The following UPRT variants were observed in gnomAD, a reference collection of about 807,000 sequenced individuals.
UPRT encodes the protein uracil phosphoribosyltransferase homolog.
In UPRT, 5 loss-of-function variants were observed where a neutral mutation model predicts 22.6. That is an observed-to-expected ratio of 0.22 (90% CI 0.12 to 0.47). UPRT has a LOEUF of 0.47. UPRT is among the 20% of genes least tolerant of loss of function. The pLI is 0.99. For missense variants in UPRT, 181 were observed against 239.9 expected (o/e 0.75, Z 1.62); for synonymous variants, 77 against 87.7 (o/e 0.88, Z 0.68).
intron 4 of UPRT, among the ~76,000 whole-genome samples, chrX:75,238,923 G>A (rs2082479075): frequency 1.8e-5 from 2 of 111,452 alleles, no homozygotes; most frequent in Non-Finnish European, 3.8e-5. Flanking sequence ...AACAATAATA[G>A]TGACACAGAC....
chrX:75,224,671 C>G (rs1282209833), intron 4 of UPRT, among the ~76,000 whole-genome samples: 1 of 111,730 alleles, frequency 9.0e-6, no homozygotes, highest in Non-Finnish European at 1.9e-5. Context: ...ACTTGTATCT[C>G]CTTCTAAGGA....
At chrX:75,238,731 A>G (rs747696840) in intron 4 of UPRT, among the ~76,000 whole-genome samples, 12 of 112,148 alleles carry the variant, frequency 1.1e-4, no homozygotes, top group African/African-American at 3.2e-4. Context: ...AAGTGACTCA[A>G]GAAATTTAAG....
intron 4 of UPRT, among the ~76,000 whole-genome samples, chrX:75,258,240 C>T (rs1318671069): frequency 1.4e-4 from 12 of 87,785 alleles, no homozygotes; most frequent in East Asian, 9.7e-4. Context: ...TTTTTCCATA[C>T]GCCAGTAGCG....
intron 2 of UPRT, among the ~76,000 whole-genome samples, chrX:75,294,393 G>T (rs1198194151): frequency 7.2e-5 from 8 of 110,674 alleles, no homozygotes; most frequent in Admixed American, 6.8e-4. Flanking sequence ...TGTAGGCATG[G>T]TCTCTAATCT....
At chrX:75,167,984 T>C (rs1171577335) in intron 4 of UPRT, among the ~76,000 whole-genome samples, 1 of 112,108 alleles carries the variant, frequency 8.9e-6, no homozygotes, top group Admixed American at 9.4e-5. Context: ...TTGCAGGCAT[T>C]GCTGCCTGTT....
intron 4 of UPRT, among the ~76,000 whole-genome samples, chrX:75,180,708 T>G (rs868704921): frequency 0.011 from 1,039 of 96,076 alleles, 4 homozygotes; most frequent in Non-Finnish European, 0.019. Flanking sequence ...TTTTTTTTTT[T>G]TTTTTTTTTT....
chrX:75,173,126 G>A (rs777051364), intron 4 of UPRT, among the ~76,000 whole-genome samples: 3 of 111,784 alleles, frequency 2.7e-5, no homozygotes, highest in South Asian at 7.5e-4. Flanking sequence ...ACAGAGTTTC[G>A]ACACACAGGT....
At chrX:75,263,096 A>C (rs952291329) in intron 4 of UPRT, among the ~76,000 whole-genome samples, 18 of 112,210 alleles carry the variant, frequency 1.6e-4, no homozygotes, top group Non-Finnish European at 3.2e-4. Flanking sequence ...AGAAATCATA[A>C]CAAACAGCCT....
At chrX:75,248,853 C>A (rs1420241480) in intron 4 of UPRT, among the ~76,000 whole-genome samples, 1 of 112,128 alleles carries the variant, frequency 8.9e-6, no homozygotes, top group Admixed American at 9.5e-5. Context: ...AGACTACCAG[C>A]TGATCTCTCG....
chrX:75,267,264 A>G (rs998297907), intron 4 of UPRT, among the ~76,000 whole-genome samples: 2 of 112,102 alleles, frequency 1.8e-5, no homozygotes, highest in Non-Finnish European at 3.8e-5. Context: ...GGATGAGCTC[A>G]TGACCTTTGT....
chrX:75,282,212 G>C (rs1318017515), intron 1 of UPRT, among the ~76,000 whole-genome samples: 1 of 90,276 alleles, frequency 1.1e-5, no homozygotes, highest in African/African-American at 3.7e-5. Context: ...CAAAGAACCA[G>C]CTTTTTGTTT....
intron 4 of UPRT, among the ~76,000 whole-genome samples, chrX:75,191,136 C>T (rs915534197): frequency 1.9e-4 from 21 of 111,642 alleles, no homozygotes; most frequent in African/African-American, 2.3e-4. Context: ...TTGATGATGG[C>T]GACGTACAGA....
intron 4 of UPRT, among the ~76,000 whole-genome samples, chrX:75,246,059 A>C (rs1031839428): frequency 1.8e-5 from 2 of 111,676 alleles, no homozygotes; most frequent in Non-Finnish European, 3.8e-5. Context: ...CAAATACTAA[A>C]TGAATCTCAT....
chrX:75,272,343 TACAC>T (rs763757876), upstream of UPRT, among the ~76,000 whole-genome samples: 1,405 of 89,558 alleles, frequency 0.016, 50 homozygotes, highest in African/African-American at 0.041. Context: ...TATATATATA[TACAC>T]ATATATATAT....
At chrX:75,179,477 T>C (rs1010521321) in intron 4 of UPRT, among the ~76,000 whole-genome samples, 8 of 113,519 alleles carry the variant, frequency 7.0e-5, no homozygotes, top group African/African-American at 1.9e-4. Flanking sequence ...ACACCAGGGC[T>C]GCAGGAGCTG....
chrX:75,251,442 T>G (rs933495925), intron 4 of UPRT, among the ~76,000 whole-genome samples: 3 of 111,241 alleles, frequency 2.7e-5, no homozygotes, highest in East Asian at 2.8e-4. Context: ...ACCCAAATCA[T>G]GAGTGAACTC....
chrX:75,252,336 A>T, intron 4 of UPRT, among the ~76,000 whole-genome samples: 1 of 112,044 alleles, frequency 8.9e-6, no homozygotes, highest in Non-Finnish European at 1.9e-5. Flanking sequence ...AACTCAAACA[A>T]ATTTACAAGA....
chrX:75,264,072 G>C (rs1255847799), intron 4 of UPRT, among the ~76,000 whole-genome samples: 1 of 111,751 alleles, frequency 8.9e-6, no homozygotes, highest in African/African-American at 3.3e-5. Context: ...ATTGCACTGT[G>C]GTCTGAGAGA....
chrX:75,177,844 A>G (rs937059687), intron 4 of UPRT, among the ~76,000 whole-genome samples: 6 of 112,193 alleles, frequency 5.3e-5, no homozygotes, highest in Admixed American at 4.7e-4. Flanking sequence ...AGTTTATACT[A>G]GAAGTCATTC....
Sources: allele counts gnomAD v4.1 joint callset (sites outside exome capture counted in the v4.1 genomes callset), GRCh38; gene constraint gnomAD v4.1.1; transcripts MANE v1.5; gene names NCBI Gene and HGNC (gene_info 2026-07-23, HGNC 2026-07-21).